ACER3: variants seen among roughly 807,000 people sequenced by gnomAD.
ACER3 encodes alkaline ceramidase 3.
In ACER3, 16 loss-of-function variants were observed where a neutral mutation model predicts 48.9. The observed-to-expected ratio is 0.33, with a 90% CI of 0.22 to 0.50. The LOEUF (loss-of-function observed/expected upper bound fraction) is 0.50. ACER3 is among the 20% of genes least tolerant of loss of function. ACER3 has a pLI of 0.98. For missense variants in ACER3, 227 were observed against 326.0 expected, an observed-to-expected ratio of 0.70 and a Z score of 2.34; for synonymous variants, 109 against 107.8, an observed-to-expected ratio of 1.01 and a Z score of -0.07.
intron 7 of ACER3, among the ~76,000 whole-genome samples, chr11:77,012,862 G>A (rs1949298345): frequency 6.6e-6 from 1 of 152,186 alleles, no homozygotes; most frequent in East Asian, 1.9e-4. Flanking sequence ...CAAAGTTAGA[G>A]GGCTTGCATG....
chr11:76,926,003 G>A (rs1281465423), intron 1 of ACER3, among the ~76,000 whole-genome samples: 1 of 152,036 alleles, frequency 6.6e-6, no homozygotes, highest in Non-Finnish European at 1.5e-5. Context: ...TTTTTGTGAA[G>A]ACAGGAGGAA....
At chr11:76,948,005 A>G (rs1425183302) in intron 2 of ACER3, among the ~76,000 whole-genome samples, 1 of 152,214 alleles carries the variant, frequency 6.6e-6, no homozygotes, top group Non-Finnish European at 1.5e-5. Flanking sequence ...TAAGGCGGAA[A>G]GCAGGCAGCT....
chr11:76,882,724 G>C (rs1945560145), intron 1 of ACER3, among the ~76,000 whole-genome samples: 1 of 152,186 alleles, frequency 6.6e-6, no homozygotes, highest in Admixed American at 6.5e-5. Context: ...ATGTTAAATT[G>C]TGGAGATTCA....
At chr11:76,965,886 A>G (rs941662332) in intron 3 of ACER3, among the ~76,000 whole-genome samples, 4 of 151,372 alleles carry the variant, frequency 2.6e-5, no homozygotes, top group African/African-American at 9.8e-5. Context: ...AAGGCTAGGA[A>G]GAAACTACAT....
chr11:76,943,973 T>C (rs1947414643), intron 2 of ACER3, among the ~76,000 whole-genome samples: 2 of 151,646 alleles, frequency 1.3e-5, no homozygotes, highest in African/African-American at 4.8e-5. Flanking sequence ...AGTATAGTTA[T>C]TCCTGTGCAC....
At chr11:77,019,915 C>T (rs1555024071) in intron 10 of ACER3, 139 bp downstream of exon 10, 1 of 841,082 alleles carries the variant, frequency 1.2e-6, no homozygotes, top group Non-Finnish European at 1.9e-6. Flanking sequence ...GTGAATCTTT[C>T]ATTTACTACT....
At position 76,985,649 on chromosome 11, in the gene ACER3, A is replaced by G; in HGVS notation, c.327A>G (p.Glu109=). 1 of 1,563,232 alleles carries G rather than the reference A, an allele frequency of 6.4e-7. No homozygotes were observed. Among genetic ancestry groups the G allele is most frequent in the Non-Finnish European group, 8.6e-7 (1 of 1,162,696 alleles). The change falls in exon 5 of 11, where the codon GAA becomes GAG. Residue 109 remains glutamate (E), a synonymous_variant. Coordinates refer to ENST00000532485, the MANE Select transcript of ACER3 (RefSeq NM_018367.7). The part of the protein sequence containing the change: ...SCCIFVYCMF[E]CFKIKNSVNY... Reference sequence around the variant, plus strand: ...TTTCTCTCTTTTTTTCAAGGTTTGAATGTTTCAAGATCAAGAACTCAGTAA... The same window carrying G: ...TTTCTCTCTTTTTTTCAAGGTTTGAGTGTTTCAAGATCAAGAACTCAGTAA...
chr11:76,915,050 G>T (rs1946487392), intron 1 of ACER3, among the ~76,000 whole-genome samples: 1 of 151,958 alleles, frequency 6.6e-6, no homozygotes. Flanking sequence ...ACTGTTGTGG[G>T]GTGGGGAGGG....
In ACER3 at chr11:76,945,955, G is replaced by A. The variant is rs546814487; in HGVS notation, c.215-13024G>A. On this transcript the variant is annotated intron_variant, in intron 2 of 10. Transcript: ENST00000532485. ...AGTCTGTTTTCCCTGTGCCTCCCTC[G>A]GCTGGTTGGTGGTTGCAGCCGAGTA... Among the ~76,000 whole-genome samples, 157 of 152,260 alleles carry A rather than the reference G, an allele frequency of 1.0e-3. 1 individual carries two copies. The highest frequency in any genetic ancestry group is 3.4e-3 in the African/African-American group (141 of 41,554).
At chr11:76,999,539 T>A (rs1221126829) in intron 7 of ACER3, among the ~76,000 whole-genome samples, 5 of 152,118 alleles carry the variant, frequency 3.3e-5, no homozygotes, top group African/African-American at 1.2e-4. Flanking sequence ...TTGATATGAA[T>A]ACAGTCAAGA....
intron 1 of ACER3, 116 bp downstream of exon 1, chr11:76,861,195 G>A (rs1376922959): frequency 1.9e-6 from 2 of 1,080,760 alleles, no homozygotes; most frequent in Non-Finnish European, 2.6e-6. Context: ...GCCTGGCCCC[G>A]GGAGCTGGAA....
intron 4 of ACER3, among the ~76,000 whole-genome samples, chr11:76,980,286 T>G (rs1333950148): frequency 2.6e-5 from 4 of 152,250 alleles, no homozygotes; most frequent in Non-Finnish European, 5.9e-5. Context: ...CTGATGTTTA[T>G]ATATCTTTAG....
At chr11:76,948,907 C>T (rs1380883061) in intron 2 of ACER3, among the ~76,000 whole-genome samples, 3 of 152,104 alleles carry the variant, frequency 2.0e-5, no homozygotes, top group Non-Finnish European at 4.4e-5. Flanking sequence ...TCATAGCAAC[C>T]TTTCATGACA....
At chr11:77,000,854 C>A (rs59877692) in intron 7 of ACER3, among the ~76,000 whole-genome samples, 3,197 of 152,256 alleles carry the variant, frequency 0.021, 115 homozygotes, top group African/African-American at 0.073. Context: ...ATTCCTCCCA[C>A]TTCATTCTTT....
intron 1 of ACER3, among the ~76,000 whole-genome samples, chr11:76,905,634 C>T (rs573122740): frequency 5.1e-4 from 77 of 152,232 alleles, no homozygotes; most frequent in Middle Eastern, 3.4e-3. Flanking sequence ...CAAGGTTGCT[C>T]ACTGCAGTAT....
rs1946831807 is a variant in ACER3 at position 76,926,447 on chromosome 11, GTCTT to G, written c.104-106_104-103del. ...AGCACCTTGAAAATATCTTCCCAAT[GTCTT>G]TCTGAGAAGTTACTTGTGTAATTGT... is the stretch of plus-strand genomic sequence containing the variant. On this transcript the variant is annotated intron_variant, in intron 1 of 10. Coordinates refer to ENST00000532485, the MANE Select transcript of ACER3 (RefSeq NM_018367.7). The G allele has an allele frequency of 2.2e-5, 12 of 556,070 alleles. 1 individual carries two copies. In the Admixed American group the frequency reaches 3.6e-4, roughly 17 times the overall value. 34.4% of individuals were successfully genotyped at this position (556,070 alleles called of 1,614,324 possible). A position where few individuals can be genotyped will look rare whatever the true frequency, so the allele number is the denominator to read the frequency against.
At chr11:76,971,913 G>A (rs1275585469) in intron 3 of ACER3, among the ~76,000 whole-genome samples, 1 of 152,108 alleles carries the variant, frequency 6.6e-6, no homozygotes, top group South Asian at 2.1e-4. Flanking sequence ...TGAAGGGGTG[G>A]GGGGTGGTTC....
chr11:76,955,217 C>G (rs762424309), intron 2 of ACER3, among the ~76,000 whole-genome samples: 1 of 152,010 alleles, frequency 6.6e-6, no homozygotes, highest in Admixed American at 6.5e-5. Context: ...AAATACTAAA[C>G]CATGTGACCC....
chr11:76,957,868 C>T (rs868108533), intron 2 of ACER3, among the ~76,000 whole-genome samples: 11 of 151,948 alleles, frequency 7.2e-5, no homozygotes, highest in Non-Finnish European at 1.0e-4. Flanking sequence ...TTTTATAAAA[C>T]GCTAAAATGA....
Sources: allele counts gnomAD v4.1 joint callset (sites outside exome capture counted in the v4.1 genomes callset), GRCh38; gene constraint gnomAD v4.1.1; transcripts MANE v1.5; gene names NCBI Gene and HGNC (gene_info 2026-07-23, HGNC 2026-07-21).